NOS3: variants seen among roughly 807,000 people sequenced by gnomAD.
NOS3 encodes NOS type III.
A neutral mutation model predicts 144.9 loss-of-function variants in NOS3; 98 were observed. The observed-to-expected ratio is 0.68, with a 90% CI of 0.57 to 0.80. The LOEUF (loss-of-function observed/expected upper bound fraction) is 0.80, where lower values mean the gene tolerates loss of function less well. Ranked by LOEUF, NOS3 falls within the 30% of genes least tolerant of loss-of-function variation. The pLI is 0.00. For missense variants in NOS3, 1,465 were observed against 1,656.4 expected (o/e 0.88, Z 2.01); for synonymous variants, 714 against 702.4 (o/e 1.02, Z -0.26).
chr7:151,010,139 G>A lies in NOS3; in HGVS notation c.2537G>A (p.Arg846Gln), dbSNP rs369652420. ...GGTGGCCCTCCCCCCGGCTGGGTGC[G>A]GGACCCCCGGCTGCCCCCGTGCACG... Reference protein sequence around the residue: ...SPGGPPPGWVRDPRLPPCTLR... With the variant: ...SPGGPPPGWVQDPRLPPCTLR... The change falls in exon 21 of 27, where the codon CGG becomes CAG. Residue 846 changes from arginine to glutamine, a missense_variant. Physicochemically the swap from Arg to Gln is conservative, Grantham distance 43. Around this residue, in one of 5 missense-constraint regions of NOS3, gnomAD observed 745 missense variants for 853.9 expected, o/e 0.87. Transcript: ENST00000297494. The A allele has an allele frequency of 1.7e-5, 27 of 1,607,212 alleles. No homozygotes were observed. Among genetic ancestry groups the A allele is most frequent in the African/African-American group, 8.0e-5 (6 of 74,800 alleles).
rs1802248159 is a variant in NOS3, at chr7:150,991,195, A to G, written c.-157A>G. The G allele has an allele frequency of 6.6e-6, 1 of 152,258 alleles. No homozygotes were observed. The highest frequency in any genetic ancestry group is 2.4e-5 in the African/African-American group (1 of 41,460). The allele number at this position is 152,258 out of a possible 1,614,324, so 9.4% of individuals were successfully genotyped here. On this transcript the variant is annotated 5_prime_UTR_variant, in exon 1 of 27. It removes the in-frame stop codon of an upstream open reading frame in the 5' UTR. Transcript: ENST00000297494. ...TACTTAATTTACAGGCTAAAACCTT[A>G]GAAGAGGAATTTATTATATCCTACA... is the stretch of plus-strand genomic sequence containing the variant.
chr7:151,010,147 C>A lies in NOS3; in HGVS notation c.2545C>A (p.Arg849=), dbSNP rs777579370. 2.5e-6 allele frequency: 4 copies of A among 1,608,840 alleles called. No homozygotes were observed. The highest frequency in any genetic ancestry group is 3.4e-6 in the Non-Finnish European group (4 of 1,177,982). ...GPPPGWVRDP[R]LPPCTLRQAL... The stretch of plus-strand genomic sequence containing the variant: ...TCCCCCCGGCTGGGTGCGGGACCCC[C>A]GGCTGCCCCCGTGCACGCTGCGCCA... The change falls in exon 21 of 27, where the codon CGG becomes AGG. Residue 849 remains arginine (R), a synonymous_variant. Transcript: ENST00000297494.
At chr7:150,992,631 AC>A (rs953776704) in intron 1 of NOS3, among the ~76,000 whole-genome samples, 2 of 119,696 alleles carry the variant, frequency 1.7e-5, no homozygotes, top group African/African-American at 6.4e-5. Flanking sequence ...ACCCAGGCCC[AC>A]CCCAACCTTA....
At chr7:150,996,578 C>T (rs1269402360) in intron 4 of NOS3, 26 bp downstream of exon 4, 2 of 1,573,178 alleles carry the variant, frequency 1.3e-6, no homozygotes, top group Admixed American at 1.7e-5. Flanking sequence ...ACGCCACAGC[C>T]TCCCTTGTCC....
At chr7:150,999,505 G>A (rs1432430116) in intron 9 of NOS3, 141 bp downstream of exon 9, 1 of 896,272 alleles carries the variant, frequency 1.1e-6, no homozygotes, top group African/African-American at 1.7e-5. Flanking sequence ...CTGAGGACAA[G>A]CTCTAGAACC....
At chr7:151,000,440 C>A in intron 9 of NOS3, 58 bp from the exon 10 acceptor site, 1 of 1,087,532 alleles carries the variant, frequency 9.2e-7, no homozygotes, top group South Asian at 1.2e-5. Context: ...ATAGTCTCCC[C>A]ACCCCACCCC....
rs1364859064 is a variant in NOS3, at chr7:151,008,766, A to C, written c.2113-164A>C. On this transcript the variant is annotated intron_variant, in intron 17 of 26. Coordinates refer to ENST00000297494, the MANE Select transcript of NOS3 (RefSeq NM_000603.5). Reference sequence around the variant, plus strand: ...GCCGGGTCCCTGGGCCCAGCGGCCAATCCATGAAATGGGCTGGCGGAAAAG... The same window carrying C: ...GCCGGGTCCCTGGGCCCAGCGGCCACTCCATGAAATGGGCTGGCGGAAAAG... The C allele has an allele frequency of 6.7e-6, 5 of 746,266 alleles. 1 individual carries two copies. The highest frequency in any genetic ancestry group is 1.0e-5 in the Non-Finnish European group (5 of 486,066). The allele number at this position is 746,266 out of a possible 1,614,324, so 46.2% of individuals were successfully genotyped here.
At chr7:151,009,296 A>AC (rs770789552) in intron 19 of NOS3, 29 bp downstream of exon 19, 42 of 1,470,644 alleles carry the variant, frequency 2.9e-5, no homozygotes, top group Non-Finnish European at 3.9e-5. Flanking sequence ...CCGCCCCCCC[A>AC]CCCCTGTCCT....
rs543273416 is a variant in NOS3 at position 150,994,571 on chromosome 7, G to C, written c.158+610G>C. Among the ~76,000 whole-genome samples, 203 of 152,282 alleles carry C rather than the reference G, an allele frequency of 1.3e-3. 3 individuals are homozygous for C. The South Asian group carries it at 0.041, about 31-fold the overall frequency. On this transcript the variant is annotated intron_variant, in intron 2 of 26. Coordinates refer to ENST00000297494, the MANE Select transcript of NOS3 (RefSeq NM_000603.5). ...CAGTTCCCACAAGAGTCCTCCCGGG[G>C]GTAGAGGTCCCAGGAGGGAGGAAAG...
At chr7:150,995,110 C>G in intron 2 of NOS3, 93 bp from the exon 3 acceptor site, 2 of 659,734 alleles carry the variant, frequency 3.0e-6, no homozygotes. Flanking sequence ...GCTGTGAGAT[C>G]GCCAGTGCTG....
At chr7:151,004,282 G>A (rs574645522) in intron 14 of NOS3, among the ~76,000 whole-genome samples, 8 of 152,338 alleles carry the variant, frequency 5.3e-5, no homozygotes, top group African/African-American at 1.9e-4. Context: ...GTTGCAGTGA[G>A]CCGAGATCAC....
chr7:150,999,488 A>C, intron 9 of NOS3, 124 bp downstream of exon 9: 9 of 1,030,300 alleles, frequency 8.7e-6, no homozygotes, highest in Admixed American at 5.3e-5. Context: ...TGCCTCCTAA[A>C]TGGGAACTGA....
At position 151,010,100 on chromosome 7, in the gene NOS3, G is replaced by A. The variant is rs775601167; in HGVS notation, c.2513-15G>A. On this transcript the variant is annotated splice_polypyrimidine_tract_variant and intron_variant, in intron 20 of 26. Transcript: ENST00000297494. ...CTGGGCCCTGTCCTCAGAGCTCCCTGTGCACTATCCCCAGGTGGCCCTCCC... is the reference window on the plus strand; with the variant it reads ...CTGGGCCCTGTCCTCAGAGCTCCCTATGCACTATCCCCAGGTGGCCCTCCC... 1 of 1,562,328 alleles carries A rather than the reference G, an allele frequency of 6.4e-7. No individual in the cohort carries two copies. The highest frequency in any genetic ancestry group is 1.1e-5 in the South Asian group (1 of 88,738).
rs760719663 is a variant in NOS3, at chr7:151,010,918, C to T, written c.2916C>T (p.His972=). The T allele has an allele frequency of 6.2e-7, 1 of 1,613,998 alleles. No homozygotes were observed. The highest frequency in any genetic ancestry group is 2.2e-5 in the East Asian group (1 of 44,884). The change falls in exon 23 of 27, where the codon CAC becomes CAT. Residue 972 remains histidine, a synonymous_variant. Transcript: ENST00000297494. ...YRTQDGLGPL[H]YGVCSTWLSQ... ...CCCCAGATGGGCTGGGCCCCCTGCA[C>T]TATGGAGTCTGCTCCACGTGGCTAA... is the stretch of plus-strand genomic sequence containing the variant.
rs766034143 is a variant in NOS3 at position 150,998,442 on chromosome 7, A to G, written c.668A>G (p.Asn223Ser). ...ATCAAGTATGCCACCAACCGGGGCA[A>G]CCTTCGGTGAGTGCCCCCCACCATG... is the stretch of plus-strand genomic sequence containing the variant. Reference protein sequence around the residue: ...NHIKYATNRGNLRSAITVFPQ... With the variant: ...NHIKYATNRGSLRSAITVFPQ... Residue 223 changes from asparagine (N) to serine (S), a missense_variant, in exon 6 of 27, where the codon AAC becomes AGC. Physicochemically the swap from Asn to Ser is conservative, Grantham distance 46. Coordinates refer to ENST00000297494, the MANE Select transcript of NOS3 (RefSeq NM_000603.5). The surrounding 1 kb of genome is among the most constrained non-coding windows in gnomAD (Gnocchi z 5.0). The G allele has an allele frequency of 2.9e-5, 47 of 1,612,162 alleles. No homozygotes were observed. Among genetic ancestry groups the G allele is most frequent in the Non-Finnish European group, 1.8e-5 (21 of 1,179,740 alleles).
intron 5 of NOS3, among the ~76,000 whole-genome samples, chr7:150,997,541 C>T (rs1158317828): frequency 2.6e-5 from 4 of 152,208 alleles, no homozygotes; most frequent in Non-Finnish European, 5.9e-5. Context: ...CCTGTGACCA[C>T]AGCACTAAGA....
In NOS3 at chr7:151,008,920, T is replaced by C. The variant is rs1429558611; in HGVS notation, c.2113-10T>C. The C allele has an allele frequency of 1.2e-6, 2 of 1,604,542 alleles. No individual in the cohort carries two copies. The highest frequency in any genetic ancestry group is 1.7e-6 in the Non-Finnish European group (2 of 1,176,680). On this transcript the variant is annotated splice_polypyrimidine_tract_variant and intron_variant, in intron 17 of 26. Coordinates refer to ENST00000297494, the MANE Select transcript of NOS3 (RefSeq NM_000603.5). ...GGGAGGTCCTCAGCCCTCACCGGCC[T>C]GTCCCGCAGGCCGCCTGTGAGACCT...
At chr7:150,992,736 C>T (rs1802280439) in intron 1 of NOS3, among the ~76,000 whole-genome samples, 1 of 152,154 alleles carries the variant, frequency 6.6e-6, no homozygotes, top group South Asian at 2.1e-4. Context: ...CTCTCCCAGT[C>T]TCTCAGCTTC....
At position 150,998,257 on chromosome 7, in the gene NOS3, C is replaced by G. The variant is rs765280981; in HGVS notation, c.583-100C>G. 4.7e-6 allele frequency: 5 copies of G among 1,056,112 alleles called. No individual in the cohort carries two copies. The highest frequency in any genetic ancestry group is 7.0e-6 in the Non-Finnish European group (5 of 711,952). The allele number at this position is 1,056,112 out of a possible 1,614,324, so 65.4% of individuals were successfully genotyped here. A position where few individuals can be genotyped will look rare whatever the true frequency, so the allele number is the denominator to read the frequency against. On this transcript the variant is annotated intron_variant, in intron 5 of 26. Transcript: ENST00000297494. The surrounding 1 kb of genome is among the most constrained non-coding windows in gnomAD (Gnocchi z 5.0). ...GTCAGGAGGGCGCCATGGAGTGAAC[C>G]ATGGCCCCTGCCTCCTCACCAGCAG... is the stretch of plus-strand genomic sequence containing the variant.
Sources: gnomAD v4.1 joint callset for allele counts (sites outside exome capture counted in the v4.1 genomes callset) on GRCh38, gnomAD v4.1.1 for gene constraint, gnomAD v4.1.1 regional missense constraint, Gnocchi (gnomAD v3.1) non-coding constraint, MANE v1.5 for transcripts, NCBI Gene and HGNC (gene_info 2026-07-23, HGNC 2026-07-21) for gene names.